The following GIT2 variants were observed in gnomAD, a reference collection of about 807,000 sequenced individuals.
GIT2 encodes GIT ArfGAP 2.
In GIT2, 32 loss-of-function variants were observed where a neutral mutation model predicts 100.3. The observed-to-expected ratio is 0.32, with a 90% CI of 0.24 to 0.43. The LOEUF (loss-of-function observed/expected upper bound fraction) is 0.43. GIT2 is among the 20% of genes least tolerant of loss of function. The pLI is 1.00. For synonymous variants in GIT2, 353 were observed against 364.1 expected, an observed-to-expected ratio of 0.97 and a Z score of 0.35; for missense variants, 737 against 975.1, an observed-to-expected ratio of 0.76 and a Z score of 3.25.
chr12:109,986,663 G>A (rs1464740710), intron 4 of GIT2, among the ~76,000 whole-genome samples: 2 of 152,204 alleles, frequency 1.3e-5, no homozygotes, highest in Non-Finnish European at 2.9e-5. Flanking sequence ...TACTCAGGAG[G>A]CTGAGGCAGG....
intron 1 of GIT2, 29 bp downstream of exon 1, chr12:109,996,144 G>C (rs2137042753): frequency 7.0e-7 from 1 of 1,438,524 alleles, no homozygotes; most frequent in South Asian, 1.3e-5. Context: ...GGAAAGCAGA[G>C]GGGAGCGGGC....
rs907384183 is a variant in GIT2 at position 109,933,147 on chromosome 12, G to A, written c.2111C>T (p.Thr704Met). 7 of 1,590,838 alleles carry A rather than the reference G, an allele frequency of 4.4e-6. No homozygotes were observed. Among genetic ancestry groups the A allele is most frequent in the South Asian group, 3.4e-5 (3 of 88,860 alleles). The change falls in exon 20 of 20, where the codon ACG becomes ATG. Residue 704 changes from threonine (T) to methionine (M), a missense_variant. Coordinates refer to ENST00000355312, the MANE Select transcript of GIT2 (RefSeq NM_057169.5). This position sits in a 1 kb window ranked among gnomAD's most constrained non-coding sequence, Gnocchi z 4.5. ...TGACTGCAGTCGGTAGGCACTGGACGTCAGTAAACGAAGGGAAGTCCTCAC... is the reference window on the plus strand; with the variant it reads ...TGACTGCAGTCGGTAGGCACTGGACATCAGTAAACGAAGGGAAGTCCTCAC... The part of the protein sequence containing the change: ...DMVRTSLRLL[T>M]SSAYRLQSEC...
intron 6 of GIT2, chr12:109,983,158 A>G: frequency 2.0e-6 from 1 of 489,016 alleles, no homozygotes; most frequent in Non-Finnish European, 3.6e-6. Flanking sequence ...ATCAAGTAAA[A>G]GACTGGAAGC....
intron 9 of GIT2, 31 bp downstream of exon 9, chr12:109,965,495 C>CAG (rs1882102262): frequency 5.8e-6 from 8 of 1,370,950 alleles, no homozygotes; most frequent in Non-Finnish European, 8.2e-6. Context: ...GATTCTCATA[C>CAG]TAGAGAAAAC....
Position 109,983,646 on chromosome 12 carries a change from G to C in GIT2, c.454C>G (p.Leu152Val). The stretch of plus-strand genomic sequence containing the variant: ...TTGGCTTGTGCTCCTAAAGATAACA[G>C]TCTCAAACAGGTTTCAAGATTCCCT... Reference protein sequence around the residue: ...RTGNLETCLRLLSLGAQANFF... With the variant: ...RTGNLETCLRVLSLGAQANFF... Residue 152 changes from leucine to valine, a missense_variant, in exon 5 of 20, where the codon CTG becomes GTG. Physicochemically the swap from Leu to Val is conservative, Grantham distance 32 (BLOSUM62 1). Transcript: ENST00000355312. 1 of 1,613,244 alleles carries C rather than the reference G, an allele frequency of 6.2e-7. No individual in the cohort carries two copies. Among genetic ancestry groups the C allele is most frequent in the South Asian group, 1.1e-5 (1 of 91,068 alleles).
At position 109,991,638 on chromosome 12, in the gene GIT2, T is replaced by C. The variant is rs201015987; in HGVS notation, c.175A>G (p.Thr59Ala). The change falls in exon 2 of 20, where the codon ACA becomes GCA. Residue 59 changes from threonine (T) to alanine (A), a missense_variant. Physicochemically the swap from Thr to Ala is moderately conservative, Grantham distance 58 (BLOSUM62 0). Transcript: ENST00000355312. Reference protein sequence around the residue: ...RHLKHTPWPPTLLQMVETLYN... With the variant: ...RHLKHTPWPPALLQMVETLYN... ...TTCTTATCCTTTACCTGAAGCAGTG[T>C]TGGAGGCCACGGTGTGTGTTTCAGA... 4.4e-5 allele frequency: 71 copies of C among 1,613,246 alleles called. No homozygotes were observed. Among genetic ancestry groups the C allele is most frequent in the Non-Finnish European group, 6.0e-5 (71 of 1,179,210 alleles).
Position 109,945,270 on chromosome 12 carries a change from CT to C in GIT2, c.1720del (p.Ser574AlafsTer85). On this transcript the variant is annotated frameshift_variant, in exon 16 of 20. Coordinates refer to ENST00000355312, the MANE Select transcript of GIT2 (RefSeq NM_057169.5). LOFTEE classifies it high-confidence loss of function. ...CAGAATGTACTTAACCCTTCGGGCGCTTTCGTCCCTCGACCAGGAAAGTGTG... is the reference window on the plus strand; with the variant it reads ...CAGAATGTACTTAACCCTTCGGGCGCTTCGTCCCTCGACCAGGAAAGTGTG... ...PSTLSWSRDESARRASRLEKQ... is the reference protein window; with the variant it reads ...PSTLSWSRDEXARRASRLEKQ... 1 of 1,543,420 alleles carries C rather than the reference CT, an allele frequency of 6.5e-7. No individual in the cohort carries two copies. Among genetic ancestry groups the C allele is most frequent in the Non-Finnish European group, 9.0e-7 (1 of 1,115,918 alleles).
At chr12:109,961,229 A>C (rs772983206) in intron 11 of GIT2, 49 bp downstream of exon 11, 1 of 996,490 alleles carries the variant, frequency 1.0e-6, no homozygotes, top group Non-Finnish European at 1.6e-6. Context: ...ATGAAACATG[A>C]CATCAGCCAT....
chr12:109,983,864 G>A, intron 4 of GIT2, 170 bp from the exon 5 acceptor site: 2 of 566,714 alleles, frequency 3.5e-6, no homozygotes, highest in Non-Finnish European at 6.3e-6. Flanking sequence ...AACTGTCCCT[G>A]GGCTGTAAGG....
chr12:109,976,605 T>G (rs1412645314), intron 7 of GIT2, among the ~76,000 whole-genome samples: 1 of 150,864 alleles, frequency 6.6e-6, no homozygotes, highest in Non-Finnish European at 1.5e-5. Flanking sequence ...TTTTTTTTTT[T>G]TTTGAGATGG....
At chr12:109,961,459 G>T in intron 10 of GIT2, 84 bp from the exon 11 acceptor site, 3 of 981,794 alleles carry the variant, frequency 3.1e-6, no homozygotes, top group Non-Finnish European at 4.9e-6. Context: ...GCACTACGAG[G>T]GGAAACACAC....
intron 16 of GIT2, among the ~76,000 whole-genome samples, chr12:109,941,040 CTT>C (rs1455160775): frequency 6.6e-6 from 1 of 152,110 alleles, no homozygotes; most frequent in African/African-American, 2.4e-5. Flanking sequence ...TCACACCACA[CTT>C]TGTTTGCTAT....
intron 4 of GIT2, among the ~76,000 whole-genome samples, chr12:109,988,419 G>A (rs971314669): frequency 6.6e-6 from 1 of 152,094 alleles, no homozygotes; most frequent in African/African-American, 2.4e-5. Flanking sequence ...TAATGCGCCT[G>A]TAGTTCCAGC....
chr12:109,933,309 T>C lies in GIT2; in HGVS notation c.2068-119A>G. The C allele has an allele frequency of 1.6e-6, 1 of 638,592 alleles. No homozygotes were observed. Among genetic ancestry groups the C allele is most frequent in the South Asian group, 1.9e-5 (1 of 53,704 alleles). The allele number at this position is 638,592 out of a possible 1,614,324, so 39.6% of individuals were successfully genotyped here. On this transcript the variant is annotated intron_variant, in intron 19 of 19. Transcript: ENST00000355312. This position sits in a 1 kb window ranked among gnomAD's most constrained non-coding sequence, Gnocchi z 4.5. ...CCCAGAGTGAAAGGCGGTTTGGTCC[T>C]GCCCTTTCTCAAAGGGGTGCTTCAC...
At position 109,945,332 on chromosome 12, in the gene GIT2, A is replaced by T; in HGVS notation, c.1659T>A (p.Leu553=). ...AAGGCAGAGATGAAGAGGAGGTCAC[A>T]AGTGCACTCCTCCCGATCTGGAATG... ...PFPAHIGRSA[L]VTSSSSLPSF... Residue 553 remains leucine (L), a synonymous_variant, in exon 16 of 20, where the codon CTT becomes CTA. Coordinates refer to ENST00000355312, the MANE Select transcript of GIT2 (RefSeq NM_057169.5). 1 of 1,549,430 alleles carries T rather than the reference A, an allele frequency of 6.5e-7. No individual in the cohort carries two copies.
At chr12:109,967,752 T>C (rs1882866130) in intron 7 of GIT2, among the ~76,000 whole-genome samples, 1 of 152,158 alleles carries the variant, frequency 6.6e-6, no homozygotes, top group Non-Finnish European at 1.5e-5. Flanking sequence ...ATCACGACGA[T>C]TAGTTTGCCC....
At chr12:109,937,234 G>T (rs1873292617) in intron 18 of GIT2, among the ~76,000 whole-genome samples, 1 of 152,082 alleles carries the variant, frequency 6.6e-6, no homozygotes, top group Non-Finnish European at 1.5e-5. Flanking sequence ...ATAAAAAAGG[G>T]TACAGAAAAG....
rs1887906018 is a variant in GIT2 at position 109,988,992 on chromosome 12, C to T, written c.376G>A (p.Asp126Asn). 3 of 1,609,874 alleles carry T rather than the reference C, an allele frequency of 1.9e-6. No individual in the cohort carries two copies. Among genetic ancestry groups the T allele is most frequent in the African/African-American group, 1.3e-5 (1 of 74,856 alleles). The change falls in exon 4 of 20, where the codon GAT becomes AAT. Residue 126 changes from aspartate (D) to asparagine (N), a missense_variant. This residue lies in a region of GIT2 where 266 missense variants were observed against 376.2 expected (regional missense o/e 0.71). Coordinates refer to ENST00000355312, the MANE Select transcript of GIT2 (RefSeq NM_057169.5). ...CTAAGATCTTTGGCAGTCACACTAT[C>T]GTCATCCCGGCAGGGCAAGCGATGG... is the stretch of plus-strand genomic sequence containing the variant. ...FVHRLPCRDD[D>N]SVTAKDLSKQ...
chr12:109,975,919 G>A (rs1254026610), intron 7 of GIT2, among the ~76,000 whole-genome samples: 1 of 151,460 alleles, frequency 6.6e-6, no homozygotes, highest in Non-Finnish European at 1.5e-5. Context: ...CTACAGGCAC[G>A]TACCACCATG....
Sources: allele counts gnomAD v4.1 joint callset (sites outside exome capture counted in the v4.1 genomes callset), GRCh38; gene constraint gnomAD v4.1.1; regional missense constraint gnomAD v4.1.1; non-coding constraint Gnocchi (gnomAD v3.1); transcripts MANE v1.5; gene names NCBI Gene and HGNC (gene_info 2026-07-23, HGNC 2026-07-21).